NFIA: variants seen among roughly 807,000 people sequenced by gnomAD.
The protein encoded by NFIA is nuclear factor 1 A-type.
In NFIA, 8 loss-of-function variants were observed where a neutral mutation model predicts 62.8. That is an observed-to-expected ratio of 0.13 (90% CI 0.07 to 0.23). NFIA has a LOEUF of 0.23. NFIA is among the 10% of genes least tolerant of loss of function. NFIA has a pLI of 1.00. For missense variants in NFIA, 410 were observed against 642.1 expected (o/e 0.64, Z 3.91); for synonymous variants, 235 against 238.1 (o/e 0.99, Z 0.12).
chr1:61,236,874 C>T (rs1161029477), intron 2 of NFIA, among the ~76,000 whole-genome samples: 1 of 152,096 alleles, frequency 6.6e-6, no homozygotes, highest in East Asian at 1.9e-4. Flanking sequence ...ATTAAATTTT[C>T]TAAGAAGAAA....
In NFIA at chr1:61,186,539, A is replaced by G. The variant is rs181364985; in HGVS notation, c.560-90981A>G. On this transcript the variant is annotated intron_variant, in intron 2 of 10. Coordinates refer to ENST00000403491, the MANE Select transcript of NFIA (RefSeq NM_001134673.4). ...ATGTATGTAAATAGGTAAGTTACCT[A>G]CCATACATTGTGCCAAGACCTCTCA... 3.2e-4 allele frequency among the ~76,000 whole-genome samples: 49 copies of G among 152,310 alleles called. No homozygotes were observed. In the Middle Eastern group the frequency reaches 0.014, roughly 42 times the overall value.
chr1:61,442,005 C>CT (rs1569889564), intron 10 of NFIA, among the ~76,000 whole-genome samples: 1 of 151,924 alleles, frequency 6.6e-6, no homozygotes, highest in East Asian at 1.9e-4. Flanking sequence ...CCAAGAACTG[C>CT]CGGATGAAAC....
At chr1:61,222,948 C>A (rs1239966403) in intron 2 of NFIA, among the ~76,000 whole-genome samples, 1 of 151,962 alleles carries the variant, frequency 6.6e-6, no homozygotes, top group East Asian at 1.9e-4. Context: ...GAAATGATTA[C>A]TTATTAAAAT....
chr1:61,436,370 G>T (rs2100567957), intron 10 of NFIA, among the ~76,000 whole-genome samples: 1 of 152,276 alleles, frequency 6.6e-6, no homozygotes. Context: ...AATACAGGTG[G>T]TGTTCTCGCT....
At chr1:61,266,675 C>T (rs1469091789) in intron 2 of NFIA, among the ~76,000 whole-genome samples, 1 of 152,180 alleles carries the variant, frequency 6.6e-6, no homozygotes, top group Admixed American at 6.5e-5. Flanking sequence ...GCTGGGATTA[C>T]AGGCATGAGC....
intron 2 of NFIA, among the ~76,000 whole-genome samples, chr1:61,216,475 T>C (rs548117577): frequency 6.6e-6 from 1 of 152,372 alleles, no homozygotes; most frequent in African/African-American, 2.4e-5. Context: ...ATGAGAGTTA[T>C]CTCAGTTGGC....
chr1:61,307,336 A>G (rs116121648), intron 3 of NFIA, among the ~76,000 whole-genome samples: 14 of 152,316 alleles, frequency 9.2e-5, no homozygotes, highest in Non-Finnish European at 1.6e-4. Flanking sequence ...GAGGATGTGG[A>G]CGGTGTGATC....
intron 4 of NFIA, among the ~76,000 whole-genome samples, chr1:61,341,919 A>G (rs545407815): frequency 1.3e-5 from 2 of 152,250 alleles, no homozygotes; most frequent in East Asian, 3.9e-4. Context: ...ATCCTATATT[A>G]CCCTGCAGTA....
At chr1:61,370,375 C>A (rs1291372270) in intron 6 of NFIA, among the ~76,000 whole-genome samples, 3 of 152,180 alleles carry the variant, frequency 2.0e-5, no homozygotes, top group Non-Finnish European at 2.9e-5. Context: ...CTGAATGGCA[C>A]ACCAAGTACT....
intron 2 of NFIA, among the ~76,000 whole-genome samples, chr1:61,129,605 C>T (rs186424019): frequency 1.3e-4 from 20 of 151,728 alleles, no homozygotes; most frequent in African/African-American, 2.2e-4. Context: ...GCACGCCACC[C>T]GCCTGGGTAA....
At chr1:61,237,230 C>T (rs906259169) in intron 2 of NFIA, among the ~76,000 whole-genome samples, 1 of 152,142 alleles carries the variant, frequency 6.6e-6, no homozygotes. Flanking sequence ...ATAGCCATGT[C>T]GCAAGTCAAA....
rs553319557 is a variant in NFIA at position 61,184,148 on chromosome 1, A to G, written c.560-93372A>G. 2.7e-3 allele frequency among the ~76,000 whole-genome samples: 408 copies of G among 151,662 alleles called. 1 individual carries two copies. The highest frequency in any genetic ancestry group is 9.4e-3 in the African/African-American group (389 of 41,330). On this transcript the variant is annotated intron_variant, in intron 2 of 10. Transcript: ENST00000403491. ...ACCAAAAAAAAAAAAAAAAACCCAA[A>G]AAAACAAAACAAAACAAAAAACAAA...
intron 2 of NFIA, among the ~76,000 whole-genome samples, chr1:61,244,956 A>T (rs1051467501): frequency 4.6e-5 from 7 of 152,216 alleles, no homozygotes; most frequent in Non-Finnish European, 1.0e-4. Context: ...TATATTTGAG[A>T]TTTAAACATT....
In NFIA at chr1:61,458,141, C is replaced by G. The variant is rs1192688155; in HGVS notation, c.*2821C>G. 6.6e-6 allele frequency: 1 copy of G among 151,474 alleles called. No homozygotes were observed. Among genetic ancestry groups the G allele is most frequent in the East Asian group, 1.9e-4 (1 of 5,162 alleles). 9.4% of individuals were successfully genotyped at this position (151,474 alleles called of 1,614,324 possible). On this transcript the variant is annotated 3_prime_UTR_variant, in exon 11 of 11. Transcript: ENST00000403491. ...GCCAGCCAGCATACTTTGCCTTCCC[C>G]TATAGCACTTAGCTGGGCATTACTT...
At chr1:61,326,631 G>A (rs553311889) in intron 3 of NFIA, among the ~76,000 whole-genome samples, 1 of 152,270 alleles carries the variant, frequency 6.6e-6, no homozygotes, top group East Asian at 1.9e-4. Context: ...GTGAGAAAAA[G>A]ACAAAGTTAC....
At chr1:61,148,622 G>A (rs1648179047) in intron 2 of NFIA, among the ~76,000 whole-genome samples, 1 of 152,178 alleles carries the variant, frequency 6.6e-6, no homozygotes, top group South Asian at 2.1e-4. Context: ...CATTTCAGGT[G>A]CCTGCATCAT....
upstream of NFIA, chr1:61,077,446 T>TA (rs999345708): frequency 1.9e-3 from 812 of 423,828 alleles, no homozygotes; most frequent in South Asian, 3.1e-3. Context: ...GATTTGGAGT[T>TA]AAAAAAAAAA....
At chr1:61,289,817 C>T (rs1329606048) in intron 3 of NFIA, among the ~76,000 whole-genome samples, 1 of 152,096 alleles carries the variant, frequency 6.6e-6, no homozygotes, top group South Asian at 2.1e-4. Flanking sequence ...CACCCACAGG[C>T]TTAACTACAT....
chr1:61,448,009 C>T (rs1667894496), intron 10 of NFIA, among the ~76,000 whole-genome samples: 1 of 152,082 alleles, frequency 6.6e-6, no homozygotes, highest in African/African-American at 2.4e-5. Context: ...TAGTTTTTCC[C>T]TTTTTTCCTC....
Sources: allele counts gnomAD v4.1 joint callset (sites outside exome capture counted in the v4.1 genomes callset), GRCh38; gene constraint gnomAD v4.1.1; transcripts MANE v1.5; gene names NCBI Gene and HGNC (gene_info 2026-07-23, HGNC 2026-07-21).